LRRC7: variants seen among roughly 807,000 people sequenced by gnomAD.
LRRC7 encodes leucine-rich repeat-containing protein 7.
In LRRC7, 23 loss-of-function variants were observed where a neutral mutation model predicts 175.7. That is an observed-to-expected ratio of 0.13 (90% CI 0.09 to 0.19). The LOEUF (loss-of-function observed/expected upper bound fraction) is 0.19. Among genes scored for constraint, LRRC7 ranks in the 10% least tolerant of loss-of-function variants. The pLI, the probability that LRRC7 is intolerant of heterozygous loss-of-function variation, is 1.00. For synonymous variants in LRRC7, 685 were observed against 680.9 expected (o/e 1.01, Z -0.09); for missense variants, 1,354 against 1,904.7 (o/e 0.71, Z 5.38).
intron 8 of LRRC7, among the ~76,000 whole-genome samples, chr1:69,952,558 A>G (rs1273032693): frequency 2.6e-5 from 4 of 152,110 alleles, no homozygotes; most frequent in Non-Finnish European, 5.9e-5. Flanking sequence ...TTGCAGGGTA[A>G]TTATTATTTT....
intron 24 of LRRC7, among the ~76,000 whole-genome samples, chr1:70,083,289 G>A (rs975947068): frequency 6.6e-6 from 1 of 152,104 alleles, no homozygotes; most frequent in African/African-American, 2.4e-5. Context: ...TTTGGAAAAT[G>A]CAGAGAAATT....
intron 2 of LRRC7, among the ~76,000 whole-genome samples, chr1:69,708,728 C>T (rs1287482488): frequency 6.6e-6 from 1 of 152,168 alleles, no homozygotes; most frequent in African/African-American, 2.4e-5. Context: ...TAAGGAGTCT[C>T]TGTTGGTACA....
At chr1:70,107,636 C>T (rs954765941) in intron 25 of LRRC7, 116 bp from the exon 26 acceptor site, 1 of 685,172 alleles carries the variant, frequency 1.5e-6, no homozygotes, top group Non-Finnish European at 2.6e-6. Flanking sequence ...TTGAAGCCTA[C>T]ATGCATAAAC....
intron 8 of LRRC7, among the ~76,000 whole-genome samples, chr1:69,935,963 C>A (rs2101784314): frequency 6.6e-6 from 1 of 152,156 alleles, no homozygotes; most frequent in South Asian, 2.1e-4. Context: ...TAATCAAATT[C>A]ATTTCTGTGG....
At chr1:70,084,308 G>T (rs1663441421) in intron 24 of LRRC7, among the ~76,000 whole-genome samples, 2 of 152,024 alleles carry the variant, frequency 1.3e-5, no homozygotes. Context: ...GCATCCTTGA[G>T]CAGTCACTTT....
At chr1:69,611,822 G>C (rs193277753) in intron 1 of LRRC7, among the ~76,000 whole-genome samples, 1 of 152,178 alleles carries the variant, frequency 6.6e-6, no homozygotes, top group Admixed American at 6.6e-5. Flanking sequence ...AAGGACATTT[G>C]TTTATAACAT....
At chr1:69,833,402 A>G (rs1680749027) in intron 5 of LRRC7, among the ~76,000 whole-genome samples, 1 of 152,112 alleles carries the variant, frequency 6.6e-6, no homozygotes, top group African/African-American at 2.4e-5. Context: ...TTGTGGGGCA[A>G]ATAGGAAGAT....
chr1:70,082,781 A>ATCTTTTTTTTTTTTTTT (rs1553201466), intron 24 of LRRC7, among the ~76,000 whole-genome samples: 544 of 52,306 alleles, frequency 0.01, 226 homozygotes, highest in South Asian at 0.028. Flanking sequence ...ATACCAGTAC[A>ATCTTTTTTTTTTTTTTT]TTTTTTTTTT....
At chr1:69,607,773 G>A (rs547752439) in intron 1 of LRRC7, 1 of 152,196 alleles carries the variant, frequency 6.6e-6, no homozygotes, top group Admixed American at 6.5e-5. Flanking sequence ...CAAAGACATT[G>A]TCAGTAGATT....
intron 7 of LRRC7, among the ~76,000 whole-genome samples, chr1:69,875,875 G>A (rs1685998730): frequency 6.6e-6 from 1 of 151,288 alleles, no homozygotes; most frequent in African/African-American, 2.4e-5. Flanking sequence ...AACATATTCA[G>A]TAAAGAAAAA....
At chr1:70,007,135 C>T (rs1010355766) in intron 11 of LRRC7, among the ~76,000 whole-genome samples, 2 of 152,200 alleles carry the variant, frequency 1.3e-5, no homozygotes, top group East Asian at 1.9e-4. Context: ...GGGGTGAGAC[C>T]GAAACTTCCA....
At chr1:69,572,120 C>T (rs796619835) in intron 1 of LRRC7, among the ~76,000 whole-genome samples, 20 of 152,128 alleles carry the variant, frequency 1.3e-4, no homozygotes, top group African/African-American at 3.9e-4. Context: ...TATGACAAGC[C>T]GAGTTACCAT....
chr1:69,783,685 G>A (rs1030578905), intron 3 of LRRC7, among the ~76,000 whole-genome samples: 10 of 148,142 alleles, frequency 6.8e-5, no homozygotes, highest in African/African-American at 2.2e-4. Context: ...CTGGGAGGAG[G>A]AGGTTGCAGT....
intron 1 of LRRC7, among the ~76,000 whole-genome samples, chr1:69,633,992 T>C (rs185263408): frequency 1.3e-5 from 2 of 152,118 alleles, no homozygotes; most frequent in Non-Finnish European, 2.9e-5. Flanking sequence ...TGTACTTTGT[T>C]TTCTGATCCA....
At chr1:70,072,205 T>C (rs2102118316) in intron 23 of LRRC7, among the ~76,000 whole-genome samples, 1 of 152,340 alleles carries the variant, frequency 6.6e-6, no homozygotes, top group East Asian at 1.9e-4. Flanking sequence ...TCAAATTTTC[T>C]CTATTTCTTT....
rs144423772 is a variant in LRRC7 at position 70,144,107 on chromosome 1, C to T, written c.*22220C>T. On this transcript the variant is annotated 3_prime_UTR_variant, in exon 27 of 27. Coordinates refer to ENST00000651989, the MANE Select transcript of LRRC7 (RefSeq NM_001370785.2). ...AAATTAATTACTGTCAGTTAATTTG[C>T]AAATGCAAGCTGTATTCTCCAGTTT... The T allele has an allele frequency of 6.0e-4, 91 of 152,182 alleles. No individual in the cohort carries two copies. Among genetic ancestry groups the T allele is most frequent in the African/African-American group, 2.1e-3 (89 of 41,548 alleles). The allele number at this position is 152,182 out of a possible 1,614,324, so 9.4% of individuals were successfully genotyped here. A position where few individuals can be genotyped will look rare whatever the true frequency, so the allele number is the denominator to read the frequency against.
intron 10 of LRRC7, 150 bp from the exon 11 acceptor site, chr1:69,994,411 C>A (rs907871136): frequency 4.7e-6 from 3 of 637,624 alleles, no homozygotes; most frequent in Non-Finnish European, 8.3e-6. Flanking sequence ...AGACTACACA[C>A]AAACGTCAGT....
At chr1:70,081,779 C>A (rs767576412) in intron 24 of LRRC7, among the ~76,000 whole-genome samples, 2 of 152,138 alleles carry the variant, frequency 1.3e-5, no homozygotes, top group African/African-American at 2.4e-5. Context: ...CCTAACATAT[C>A]AAAATGGCAG....
chr1:69,978,381 G>A (rs1410468096), intron 8 of LRRC7, among the ~76,000 whole-genome samples: 3 of 152,132 alleles, frequency 2.0e-5, no homozygotes, highest in East Asian at 3.9e-4. Context: ...CCTGCCTGTT[G>A]CTAGCCAGCC....
Sources: allele counts gnomAD v4.1 joint callset (sites outside exome capture counted in the v4.1 genomes callset), GRCh38; gene constraint gnomAD v4.1.1; transcripts MANE v1.5; gene names NCBI Gene and HGNC (gene_info 2026-07-23, HGNC 2026-07-21).